The following XPO6 variants were observed in gnomAD, a reference collection of about 807,000 sequenced individuals.
The protein encoded by XPO6 is exportin-6.
In XPO6, 3 loss-of-function variants were observed where a neutral mutation model predicts 130.0. The observed-to-expected ratio is 0.02, with a 90% CI of 0.01 to 0.06. XPO6 has a LOEUF of 0.06. XPO6 is among the 10% of genes least tolerant of loss of function. The pLI is 1.00. For missense variants in XPO6, 970 were observed against 1,393.0 expected (o/e 0.70, Z 4.83); for synonymous variants, 524 against 548.9 (o/e 0.95, Z 0.63).
chr16:28,193,689 A>C (rs974755506), intron 1 of XPO6, among the ~76,000 whole-genome samples: 7 of 152,256 alleles, frequency 4.6e-5, no homozygotes, highest in African/African-American at 1.7e-4. Context: ...TACTCGGCCA[A>C]TAACCTTGGC....
intron 1 of XPO6, among the ~76,000 whole-genome samples, chr16:28,208,179 A>C (rs1031778017): frequency 1.3e-5 from 2 of 152,204 alleles, no homozygotes; most frequent in East Asian, 3.8e-4. Flanking sequence ...TAATGAGTGA[A>C]GAATAGCTAG....
chr16:28,202,995 G>T, intron 1 of XPO6, among the ~76,000 whole-genome samples: 1 of 152,222 alleles, frequency 6.6e-6, no homozygotes, highest in Non-Finnish European at 1.5e-5. Flanking sequence ...AAGTCTGCTG[G>T]CTGGGCGTGG....
At chr16:28,190,907 C>T (rs1211968627) in intron 1 of XPO6, among the ~76,000 whole-genome samples, 2 of 105,126 alleles carry the variant, frequency 1.9e-5, no homozygotes, top group Non-Finnish European at 2.1e-5. Flanking sequence ...GTGCAAATAA[C>T]GTTAACAGGA....
At chr16:28,115,855 C>T (rs896472018) in intron 15 of XPO6, among the ~76,000 whole-genome samples, 2 of 152,256 alleles carry the variant, frequency 1.3e-5, no homozygotes, top group Non-Finnish European at 2.9e-5. Context: ...TCTCCATCAG[C>T]ACTTGCTGCT....
At chr16:28,207,852 G>A (rs924810930) in intron 1 of XPO6, among the ~76,000 whole-genome samples, 2 of 152,178 alleles carry the variant, frequency 1.3e-5, no homozygotes, top group Admixed American at 1.3e-4. Context: ...GAATGACTAA[G>A]AGAAAAACTT....
At chr16:28,139,969 C>G (rs1264131346) in intron 9 of XPO6, among the ~76,000 whole-genome samples, 3 of 152,200 alleles carry the variant, frequency 2.0e-5, no homozygotes, top group African/African-American at 7.2e-5. Flanking sequence ...CAGTGGCTCA[C>G]GCCTGTAATC....
At chr16:28,177,141 G>A in intron 3 of XPO6, 79 bp downstream of exon 3, 1 of 915,138 alleles carries the variant, frequency 1.1e-6, no homozygotes, top group Non-Finnish European at 1.6e-6. Flanking sequence ...GCACATTACA[G>A]CTCTAGTCTA....
chr16:28,203,340 G>A (rs901830200), intron 1 of XPO6, among the ~76,000 whole-genome samples: 3 of 152,056 alleles, frequency 2.0e-5, no homozygotes, highest in Admixed American at 2.0e-4. Flanking sequence ...GAAAGGAGAG[G>A]TGGGAGGTTG....
intron 3 of XPO6, 33 bp downstream of exon 3, chr16:28,177,187 T>C (rs1286476223): frequency 1.3e-6 from 2 of 1,491,462 alleles, no homozygotes; most frequent in African/African-American, 2.8e-5. Context: ...ACAAAATCCT[T>C]TTCAGAAGAG....
At chr16:28,208,016 C>CAG (rs1555532492) in intron 1 of XPO6, among the ~76,000 whole-genome samples, 5 of 151,630 alleles carry the variant, frequency 3.3e-5, no homozygotes, top group African/African-American at 9.7e-5. Context: ...ACTAGCTGGG[C>CAG]GTGCCTGTAA....
At chr16:28,151,956 T>C (rs111427145) in intron 8 of XPO6, among the ~76,000 whole-genome samples, 1 of 152,306 alleles carries the variant, frequency 6.6e-6, no homozygotes, top group Non-Finnish European at 1.5e-5. Flanking sequence ...GTGGTGATGT[T>C]TGGACAGCTC....
At chr16:28,130,036 A>G (rs942870346) in intron 12 of XPO6, among the ~76,000 whole-genome samples, 2 of 152,228 alleles carry the variant, frequency 1.3e-5, no homozygotes, top group African/African-American at 2.4e-5. Context: ...AGCAGCACAG[A>G]GCAACCAACG....
intron 13 of XPO6, among the ~76,000 whole-genome samples, chr16:28,124,350 G>C (rs938082962): frequency 6.6e-6 from 1 of 152,132 alleles, no homozygotes; most frequent in East Asian, 1.9e-4. Context: ...GAGCCACTGC[G>C]CCCCGCCAAC....
intron 6 of XPO6, among the ~76,000 whole-genome samples, chr16:28,161,310 G>C (rs1896870730): frequency 1.3e-5 from 2 of 152,176 alleles, no homozygotes; most frequent in African/African-American, 4.8e-5. Flanking sequence ...GGGACTTCCA[G>C]GGGTCCCCAG....
intron 1 of XPO6, among the ~76,000 whole-genome samples, chr16:28,181,983 CTTGAG>C (rs1184225729): frequency 6.6e-6 from 1 of 152,152 alleles, no homozygotes; most frequent in East Asian, 1.9e-4. Flanking sequence ...CAGGAATGAC[CTTGAG>C]TTAACACTCC....
Position 28,101,572 on chromosome 16 carries a change from G to C in XPO6, c.3162C>G (p.Ala1054=). ...CAAAGAAGCCATCAAAGTCGACTGA[G>C]GCCATGTTGTAGATGGCGATGCCAA... ...EEIGIAIYNM[A]SVDFDGFFAA... Residue 1054 remains alanine, a synonymous_variant, in exon 23 of 24, where the codon GCC becomes GCG. Coordinates refer to ENST00000304658, the MANE Select transcript of XPO6 (RefSeq NM_015171.4). This position sits in a 1 kb window ranked among gnomAD's most constrained non-coding sequence, Gnocchi z 5.4. 1 of 1,614,232 alleles carries C rather than the reference G, an allele frequency of 6.2e-7. No individual in the cohort carries two copies. Among genetic ancestry groups the C allele is most frequent in the Non-Finnish European group, 8.5e-7 (1 of 1,180,042 alleles).
Position 28,156,317 on chromosome 16 carries a change from C to G in XPO6, c.854G>C (p.Arg285Pro). 6.2e-7 allele frequency: 1 copy of G among 1,613,918 alleles called. No individual in the cohort carries two copies. The highest frequency in any genetic ancestry group is 8.5e-7 in the Non-Finnish European group (1 of 1,180,000). Residue 285 changes from arginine to proline, a missense_variant, in exon 7 of 24, where the codon CGG (arginine) becomes CCG (proline). Around this residue, in one of 4 missense-constraint regions of XPO6, gnomAD observed 936 missense variants for 1,306.8 expected, o/e 0.72. Transcript: ENST00000304658. ...GTTAACTGACGCCATCTTTCTGGCC[C>G]GGATGTCACAGCCAAATCGTGCAAA... ...FHFARFGCDI[R>P]ARKMASVNGS...
intron 12 of XPO6, among the ~76,000 whole-genome samples, chr16:28,127,050 A>G (rs2087436044): frequency 6.6e-6 from 1 of 152,196 alleles, no homozygotes; most frequent in Non-Finnish European, 1.5e-5. Context: ...CTAAGCTTGC[A>G]GCTCCCCTGA....
chr16:28,117,680 T>C (rs569021315), intron 14 of XPO6, among the ~76,000 whole-genome samples: 32 of 152,328 alleles, frequency 2.1e-4, no homozygotes, highest in African/African-American at 7.7e-4. Flanking sequence ...AGAAGGCAGT[T>C]AGTCAATGTC....
Sources: gnomAD v4.1 joint callset for allele counts (sites outside exome capture counted in the v4.1 genomes callset) on GRCh38, gnomAD v4.1.1 for gene constraint, gnomAD v4.1.1 regional missense constraint, Gnocchi (gnomAD v3.1) non-coding constraint, MANE v1.5 for transcripts, NCBI Gene and HGNC (gene_info 2026-07-23, HGNC 2026-07-21) for gene names.